Variants in ARHGAP35 observed in about 807,000 individuals in gnomAD.
ARHGAP35 encodes the protein rho GTPase-activating protein 35.
In ARHGAP35, 15 loss-of-function variants were observed where a neutral mutation model predicts 111.1. The observed-to-expected ratio is 0.13, with a 90% CI of 0.09 to 0.21. The LOEUF (loss-of-function observed/expected upper bound fraction) is 0.21. Among genes scored for constraint, ARHGAP35 ranks in the 10% least tolerant of loss-of-function variants. The pLI is 1.00. For synonymous variants in ARHGAP35, 643 were observed against 710.3 expected, an observed-to-expected ratio of 0.91 and a Z score of 1.51; for missense variants, 1,262 against 1,873.0, an observed-to-expected ratio of 0.67 and a Z score of 6.02.
chr19:46,921,495 T>C lies in ARHGAP35; in HGVS notation c.2820T>C (p.Asp940=), dbSNP rs1452583829. ...KLEIFHPFFK[D]VVEKKNIIEA... ...AGATCTTTCACCCATTTTTTAAAGA[T>C]GTGGTGGAAAAAAAGAACATAATCG... The change falls in exon 2 of 7, where the codon GAT becomes GAC. Residue 940 remains aspartate (D), a synonymous_variant. Transcript: ENST00000672722. This position sits in a 1 kb window ranked among gnomAD's most constrained non-coding sequence, Gnocchi z 4.3. 3.1e-6 allele frequency: 5 copies of C among 1,613,832 alleles called. No homozygotes were observed. The highest frequency in any genetic ancestry group is 2.7e-5 in the African/African-American group (2 of 74,980).
chr19:46,861,084 C>T lies in ARHGAP35; in HGVS notation c.-314C>T, dbSNP rs1051830768. 1.3e-5 allele frequency among the ~76,000 whole-genome samples: 2 copies of T among 148,258 alleles called. No individual in the cohort carries two copies. Among genetic ancestry groups the T allele is most frequent in the Non-Finnish European group, 3.0e-5 (2 of 67,450 alleles). On this transcript the variant is annotated 5_prime_UTR_variant, in exon 1 of 7. Transcript: ENST00000672722. ...GCGAGGGAGGGTCCGCCCGGCCCCC[C>T]GCCGCCGGAGCCGCCGCCGCCGCCT...
rs976380529 is a variant in ARHGAP35 at position 46,994,348 on chromosome 19, C to T, written c.4036+4673C>T. Among the ~76,000 whole-genome samples the T allele has an allele frequency of 1.3e-5, 2 of 152,216 alleles. No individual in the cohort carries two copies. Among genetic ancestry groups the T allele is most frequent in the Non-Finnish European group, 2.9e-5 (2 of 68,040 alleles). On this transcript the variant is annotated intron_variant, in intron 5 of 6. Coordinates refer to ENST00000672722, the MANE Select transcript of ARHGAP35 (RefSeq NM_004491.5). The surrounding 1 kb of genome is among the most constrained non-coding windows in gnomAD (Gnocchi z 5.4). ...GTGAGTGGCTGCCCTGAGTGTGCCGCTGCCCTGTGACCAGGTCCACACAGA... is the reference window on the plus strand; with the variant it reads ...GTGAGTGGCTGCCCTGAGTGTGCCGTTGCCCTGTGACCAGGTCCACACAGA...
In ARHGAP35 at chr19:46,921,777, C is replaced by A. The variant is rs1487330959; in HGVS notation, c.3102C>A (p.Asn1034Lys). ...TGAGCAATTTTGAGAGTAAACTGAA[C>A]AACAAAGTACCTCCGCCAGTCAAAC... ...FIMSNFESKL[N>K]NKVPPPVKPK... Residue 1034 changes from asparagine to lysine, a missense_variant, in exon 2 of 7, where the codon AAC becomes AAA. Physicochemically the swap from Asn to Lys is moderately conservative, Grantham distance 94. This residue lies in a region of ARHGAP35 where 579 missense variants were observed against 716.9 expected (regional missense o/e 0.81). Transcript: ENST00000672722. This position sits in a 1 kb window ranked among gnomAD's most constrained non-coding sequence, Gnocchi z 4.3. 1 of 1,613,978 alleles carries A rather than the reference C, an allele frequency of 6.2e-7. No individual in the cohort carries two copies. Among genetic ancestry groups the A allele is most frequent in the South Asian group, 1.1e-5 (1 of 91,082 alleles).
At chr19:46,863,144 C>A (rs12975445) in intron 1 of ARHGAP35, among the ~76,000 whole-genome samples, 1 of 151,504 alleles carries the variant, frequency 6.6e-6, no homozygotes, top group Non-Finnish European at 1.5e-5. Flanking sequence ...GCTCACCACC[C>A]GTGGCCCACC....
chr19:46,900,227 T>G (rs1475506109), intron 1 of ARHGAP35, among the ~76,000 whole-genome samples: 6 of 149,168 alleles, frequency 4.0e-5, no homozygotes, highest in South Asian at 4.2e-4. Flanking sequence ...TTTGGGTTTT[T>G]TTTTTTTTTT....
chr19:46,954,597 C>G (rs2056429067), intron 3 of ARHGAP35, among the ~76,000 whole-genome samples: 1 of 152,220 alleles, frequency 6.6e-6, no homozygotes, highest in African/African-American at 2.4e-5. Flanking sequence ...ACAACTGAAT[C>G]CCACTTTTTC....
At chr19:46,892,430 C>T (rs2056029971) in intron 1 of ARHGAP35, among the ~76,000 whole-genome samples, 1 of 145,800 alleles carries the variant, frequency 6.9e-6, no homozygotes, top group African/African-American at 2.6e-5. Context: ...ATGATCACGC[C>T]ACTGTACTCC....
At chr19:46,903,667 A>G (rs2056091963) in intron 1 of ARHGAP35, among the ~76,000 whole-genome samples, 1 of 152,228 alleles carries the variant, frequency 6.6e-6, no homozygotes, top group African/African-American at 2.4e-5. Flanking sequence ...GGGCTAAACC[A>G]GTGATAAGAG....
chr19:46,929,930 T>A (rs1020340193), intron 2 of ARHGAP35, among the ~76,000 whole-genome samples: 2 of 146,184 alleles, frequency 1.4e-5, no homozygotes, highest in East Asian at 4.2e-4. Context: ...AAAAAAAAAA[T>A]TAAAAAAATT....
In ARHGAP35 at chr19:46,919,364, C is replaced by T. The variant is rs2056182961; in HGVS notation, c.689C>T (p.Ala230Val). Residue 230 changes from alanine to valine, a missense_variant, in exon 2 of 7, where the codon GCG becomes GTG. Around this residue, in one of 8 missense-constraint regions of ARHGAP35, gnomAD observed 125 missense variants for 301.7 expected, o/e 0.41. Transcript: ENST00000672722. The surrounding 1 kb of genome is among the most constrained non-coding windows in gnomAD (Gnocchi z 6.2). ...KKNLQVVETS[A>V]RSNVNVDLAF... ...AACCTCCAGGTTGTGGAGACCTCAG[C>T]GAGATCCAATGTAAACGTGGACTTG... The T allele has an allele frequency of 1.2e-6, 2 of 1,613,958 alleles. No individual in the cohort carries two copies. The highest frequency in any genetic ancestry group is 2.2e-5 in the East Asian group (1 of 44,878).
chr19:46,908,152 T>C lies in ARHGAP35; in HGVS notation c.-188-10336T>C, dbSNP rs2056120351. ...GTCAGGGACATTTATATAGAGAATG[T>C]TCTTTCAAAAAGAACTTTTTTCCTA... On this transcript the variant is annotated intron_variant, in intron 1 of 6. Coordinates refer to ENST00000672722, the MANE Select transcript of ARHGAP35 (RefSeq NM_004491.5). The surrounding 1 kb of genome is among the most constrained non-coding windows in gnomAD (Gnocchi z 4.2). 6.6e-6 allele frequency among the ~76,000 whole-genome samples: 1 copy of C among 152,216 alleles called. No homozygotes were observed. Among genetic ancestry groups the C allele is most frequent in the South Asian group, 2.1e-4 (1 of 4,832 alleles).
rs1297624586 is a variant in ARHGAP35 at position 46,961,523 on chromosome 19, A to G, written c.3826+24115A>G. 2.6e-5 allele frequency among the ~76,000 whole-genome samples: 4 copies of G among 152,174 alleles called. No homozygotes were observed. In the East Asian group the frequency reaches 7.7e-4, roughly 29 times the overall value. On this transcript the variant is annotated intron_variant, in intron 3 of 6. Coordinates refer to ENST00000672722, the MANE Select transcript of ARHGAP35 (RefSeq NM_004491.5). The stretch of plus-strand genomic sequence containing the variant: ...GTCATCCAGTCCACCTCTCCACAAC[A>G]TGGGTGAATCTCATGGACGCGTTGA...
At chr19:46,869,865 G>A (rs1230956390) in intron 1 of ARHGAP35, among the ~76,000 whole-genome samples, 1 of 151,682 alleles carries the variant, frequency 6.6e-6, no homozygotes, top group African/African-American at 2.4e-5. Flanking sequence ...TTTCAGAAAT[G>A]CCTGTTAACG....
At position 46,922,114 on chromosome 19, in the gene ARHGAP35, C is replaced by T. The variant is rs1420876999; in HGVS notation, c.3439C>T (p.Arg1147Cys). The change falls in exon 2 of 7, where the codon CGC (arginine) becomes TGC (cysteine). Residue 1147 changes from arginine (R) to cysteine (C), a missense_variant. Physicochemically the swap from Arg to Cys is radical, Grantham distance 180. This residue lies in a region of ARHGAP35 where 579 missense variants were observed against 716.9 expected (regional missense o/e 0.81). Transcript: ENST00000672722. The surrounding 1 kb of genome is among the most constrained non-coding windows in gnomAD (Gnocchi z 4.0). ...GGACACCAGCTCTCTAGAGCGAGGG[C>T]GCAAGGTTTCCATCGTGAGCAAGCC... ...EMDTSSLERG[R>C]KVSIVSKPVL... The T allele has an allele frequency of 9.3e-6, 15 of 1,613,882 alleles. No individual in the cohort carries two copies. The highest frequency in any genetic ancestry group is 2.2e-5 in the East Asian group (1 of 44,892).
At position 46,920,576 on chromosome 19, in the gene ARHGAP35, A is replaced by C. The variant is rs1470707509; in HGVS notation, c.1901A>C (p.Glu634Ala). The C allele has an allele frequency of 6.2e-7, 1 of 1,613,976 alleles. No individual in the cohort carries two copies. ...DKYVIDGKMY[E>A]LSLRPIEGNV... is the part of the protein sequence containing the mutation. ...TATGTGATAGATGGTAAAATGTATGAGCTTTCCCTGAGGCCAATAGAGGGG... is the reference window on the plus strand; with the variant it reads ...TATGTGATAGATGGTAAAATGTATGCGCTTTCCCTGAGGCCAATAGAGGGG... Residue 634 changes from glutamate (E) to alanine (A), a missense_variant, in exon 2 of 7, where the codon GAG (glutamate) becomes GCG (alanine). Coordinates refer to ENST00000672722, the MANE Select transcript of ARHGAP35 (RefSeq NM_004491.5). This position sits in a 1 kb window ranked among gnomAD's most constrained non-coding sequence, Gnocchi z 7.0.
chr19:46,916,476 T>C (rs376781137), intron 1 of ARHGAP35, among the ~76,000 whole-genome samples: 37 of 152,264 alleles, frequency 2.4e-4, no homozygotes, highest in African/African-American at 8.7e-4. Flanking sequence ...AAGGCTGGGC[T>C]TGGGGACCTT....
At chr19:46,935,145 C>T (rs1453286235) in intron 2 of ARHGAP35, among the ~76,000 whole-genome samples, 2 of 152,176 alleles carry the variant, frequency 1.3e-5, no homozygotes, top group South Asian at 2.1e-4. Context: ...ATAAGGGGAG[C>T]AAGCAGCAGC....
At chr19:46,897,987 C>T (rs1370566878) in intron 1 of ARHGAP35, among the ~76,000 whole-genome samples, 1 of 152,134 alleles carries the variant, frequency 6.6e-6, no homozygotes, top group South Asian at 2.1e-4. Context: ...CAGGCAGATA[C>T]GTTACCTAAG....
chr19:46,892,252 C>T (rs1354283146), intron 1 of ARHGAP35, among the ~76,000 whole-genome samples: 3 of 147,716 alleles, frequency 2.0e-5, no homozygotes, highest in Non-Finnish European at 4.5e-5. Context: ...TGCAGTGAGC[C>T]GAGATCGCAC....
Sources: gnomAD v4.1 joint callset for allele counts (sites outside exome capture counted in the v4.1 genomes callset) on GRCh38, gnomAD v4.1.1 for gene constraint, gnomAD v4.1.1 regional missense constraint, Gnocchi (gnomAD v3.1) non-coding constraint, MANE v1.5 for transcripts, NCBI Gene and HGNC (gene_info 2026-07-23, HGNC 2026-07-21) for gene names.